The following HSD17B7 variants were observed in gnomAD, a reference collection of about 807,000 sequenced individuals.
HSD17B7 encodes 3-keto-steroid reductase/17-beta-hydroxysteroid dehydrogenase 7.
Under a neutral mutation model 34.1 loss-of-function variants are expected in HSD17B7, and 17 were observed. The observed-to-expected ratio is 0.50, with a 90% CI of 0.34 to 0.75. HSD17B7 has a LOEUF of 0.75. HSD17B7 is among the 30% of genes least tolerant of loss of function. The pLI is 0.01. For missense variants in HSD17B7, 296 were observed against 406.6 expected, an observed-to-expected ratio of 0.73 and a Z score of 2.34; for synonymous variants, 122 against 154.6, an observed-to-expected ratio of 0.79 and a Z score of 1.56.
At chr1:162,792,616 C>G (rs1463244932) in intron 1 of HSD17B7, 43 bp from the exon 2 acceptor site, 1 of 1,585,504 alleles carries the variant, frequency 6.3e-7, no homozygotes, top group Non-Finnish European at 8.6e-7. Context: ...TACCTGATGC[C>G]ATCCCAGATA....
At position 162,812,731 on chromosome 1, in the gene HSD17B7, G is replaced by A. The variant is rs755356084; in HGVS notation, c.*311G>A. On this transcript the variant is annotated 3_prime_UTR_variant, in exon 9 of 9. Transcript: ENST00000254521. ...AACCAGAGCTGACAATGACACTCTG[G>A]AACATTGCATACCTTCTGTACATTC... is the stretch of plus-strand genomic sequence containing the variant. The A allele has an allele frequency of 4.6e-5, 8 of 174,202 alleles. No individual in the cohort carries two copies. The highest frequency in any genetic ancestry group is 9.8e-5 in the Non-Finnish European group (8 of 81,452). 10.8% of individuals were successfully genotyped at this position (174,202 alleles called of 1,614,324 possible).
At position 162,790,836 on chromosome 1, in the gene HSD17B7, G is replaced by A. The variant is rs776647605; in HGVS notation, c.35+1G>A. On this transcript the variant is annotated splice_donor_variant, in intron 1 of 8. Transcript: ENST00000254521. LOFTEE classifies it high-confidence loss of function. Reference sequence around the variant, plus strand: ...TGGTTTTGATCACCGGGGCTAGCAGGTGAGGCCTCCTTTGGGTTGGCAGAG... The same window carrying A: ...TGGTTTTGATCACCGGGGCTAGCAGATGAGGCCTCCTTTGGGTTGGCAGAG... The A allele has an allele frequency of 4.3e-6, 7 of 1,613,808 alleles. No homozygotes were observed. Among genetic ancestry groups the A allele is most frequent in the Non-Finnish European group, 5.9e-6 (7 of 1,179,922 alleles).
chr1:162,796,740 G>C, intron 3 of HSD17B7, 63 bp downstream of exon 3: 1 of 1,020,856 alleles, frequency 9.8e-7, no homozygotes, highest in Non-Finnish European at 1.6e-6. Context: ...GCCTAGTTTT[G>C]ATGGCATGTT....
Position 162,807,892 on chromosome 1 carries a change from T to C in HSD17B7, c.903+2400T>C, listed in dbSNP as rs1649037669. Among the ~76,000 whole-genome samples, 8 of 152,322 alleles carry C rather than the reference T, an allele frequency of 5.3e-5. No homozygotes were observed. The South Asian group carries it at 1.7e-3, about 32-fold the overall frequency. ...TTAGCCCTTTGTCAGATGGGTAGATTGCAAAAATTTTCTCCCATTCTGTAG... is the reference window on the plus strand; with the variant it reads ...TTAGCCCTTTGTCAGATGGGTAGATCGCAAAAATTTTCTCCCATTCTGTAG... On this transcript the variant is annotated intron_variant, in intron 8 of 8. Coordinates refer to ENST00000254521, the MANE Select transcript of HSD17B7 (RefSeq NM_016371.4).
At chr1:162,800,671 A>C (rs1478728878) in intron 5 of HSD17B7, among the ~76,000 whole-genome samples, 1 of 152,130 alleles carries the variant, frequency 6.6e-6, no homozygotes, top group African/African-American at 2.4e-5. Flanking sequence ...GGAAATCTCC[A>C]GTCTTCGCCT....
At chr1:162,809,652 T>A (rs1412988704) in intron 8 of HSD17B7, among the ~76,000 whole-genome samples, 3 of 152,166 alleles carry the variant, frequency 2.0e-5, no homozygotes, top group African/African-American at 7.2e-5. Context: ...GATCCTGTTA[T>A]TGGTCTATTC....
chr1:162,799,175 T>G lies in HSD17B7; in HGVS notation c.448-568T>G, dbSNP rs368113652. Among the ~76,000 whole-genome samples the G allele has an allele frequency of 3.9e-5, 6 of 152,264 alleles. No homozygotes were observed. In the South Asian group the frequency reaches 6.2e-4, roughly 16 times the overall value. ...AATTCAGTCGTTTATTATATCCATATGGACTCATGTTTATGTATTTTCTGC... is the reference window on the plus strand; with the variant it reads ...AATTCAGTCGTTTATTATATCCATAGGGACTCATGTTTATGTATTTTCTGC... On this transcript the variant is annotated intron_variant, in intron 4 of 8. Transcript: ENST00000254521.
At chr1:162,805,274 A>G (rs1159754415) in intron 7 of HSD17B7, 120 bp from the exon 8 acceptor site, 15 of 1,394,520 alleles carry the variant, frequency 1.1e-5, no homozygotes, top group Non-Finnish European at 1.3e-5. Context: ...CACTGATGAT[A>G]TTTGAGAGGA....
chr1:162,811,475 G>T (rs1374126224), intron 8 of HSD17B7, among the ~76,000 whole-genome samples: 10 of 150,036 alleles, frequency 6.7e-5, no homozygotes, highest in African/African-American at 2.5e-4. Context: ...GCTCTGTGTT[G>T]GCTTGATGAA....
chr1:162,803,147 C>T (rs1223477480), intron 5 of HSD17B7: 1 of 200,646 alleles, frequency 5.0e-6, no homozygotes, highest in Non-Finnish European at 1.0e-5. Context: ...CTGCTTTTCT[C>T]CCCCAGCGTT....
chr1:162,808,830 C>T (rs1327478898), intron 8 of HSD17B7, among the ~76,000 whole-genome samples: 3 of 152,184 alleles, frequency 2.0e-5, no homozygotes, highest in African/African-American at 4.8e-5. Flanking sequence ...TATCCTGAGA[C>T]TTTGCTGAAG....
At chr1:162,802,577 C>T (rs1648847690) in intron 5 of HSD17B7, among the ~76,000 whole-genome samples, 1 of 151,864 alleles carries the variant, frequency 6.6e-6, no homozygotes, top group South Asian at 2.1e-4. Context: ...TGCTGTCTGT[C>T]CATTGAACTG....
intron 8 of HSD17B7, among the ~76,000 whole-genome samples, chr1:162,810,871 T>C (rs1649150065): frequency 1.3e-5 from 2 of 152,174 alleles, no homozygotes; most frequent in African/African-American, 4.8e-5. Context: ...CTCCTGAATA[T>C]AGCACACTGA....
chr1:162,812,434 G>A lies in HSD17B7; in HGVS notation c.*14G>A, dbSNP rs2102239381. 1 of 1,570,278 alleles carries A rather than the reference G, an allele frequency of 6.4e-7. No individual in the cohort carries two copies. ...TCATGCCTATAATTCCAGCACTTTGGGAGGCCAAGGCAGAAGGATCACTTG... is the reference window on the plus strand; with the variant it reads ...TCATGCCTATAATTCCAGCACTTTGAGAGGCCAAGGCAGAAGGATCACTTG... On this transcript the variant is annotated 3_prime_UTR_variant, in exon 9 of 9. Coordinates refer to ENST00000254521, the MANE Select transcript of HSD17B7 (RefSeq NM_016371.4).
rs565422238 is a variant in HSD17B7 at position 162,801,099 on chromosome 1, C to G, written c.642+1162C>G. On this transcript the variant is annotated intron_variant, in intron 5 of 8. Transcript: ENST00000254521. ...AATTCAAGTGATTCTTGTACCTCAG[C>G]TTCTCAAGTAGCTGGGATTACAGGG... Among the ~76,000 whole-genome samples, 8 of 152,268 alleles carry G rather than the reference C, an allele frequency of 5.3e-5. No homozygotes were observed. In the East Asian group the frequency reaches 1.5e-3, roughly 29 times the overall value.
In HSD17B7 at chr1:162,812,733, A is replaced by T. The variant is rs1337129028; in HGVS notation, c.*313A>T. On this transcript the variant is annotated 3_prime_UTR_variant, in exon 9 of 9. Coordinates refer to ENST00000254521, the MANE Select transcript of HSD17B7 (RefSeq NM_016371.4). ...CCAGAGCTGACAATGACACTCTGGA[A>T]CATTGCATACCTTCTGTACATTCTG... 38 of 173,832 alleles carry T rather than the reference A, an allele frequency of 2.2e-4. No individual in the cohort carries two copies. The highest frequency in any genetic ancestry group is 2.5e-5 in the Non-Finnish European group (2 of 81,064). The allele number at this position is 173,832 out of a possible 1,614,324, so 10.8% of individuals were successfully genotyped here.
intron 2 of HSD17B7, chr1:162,795,485 A>G: frequency 3.0e-6 from 1 of 335,840 alleles, no homozygotes; most frequent in Non-Finnish European, 6.0e-6. Context: ...AAAGTTGGCA[A>G]ATAAGGTAAT....
At chr1:162,794,708 A>AT (rs1438989808) in intron 2 of HSD17B7, among the ~76,000 whole-genome samples, 1 of 151,838 alleles carries the variant, frequency 6.6e-6, no homozygotes, top group Non-Finnish European at 1.5e-5. Flanking sequence ...CTTTGTTTAG[A>AT]TTTTGTTATA....
At chr1:162,805,897 G>A (rs1251661938) in intron 8 of HSD17B7, among the ~76,000 whole-genome samples, 1 of 152,146 alleles carries the variant, frequency 6.6e-6, no homozygotes, top group African/African-American at 2.4e-5. Context: ...TTCCTAGCAG[G>A]CTGCCTTACA....
Sources: allele counts gnomAD v4.1 joint callset (sites outside exome capture counted in the v4.1 genomes callset), GRCh38; gene constraint gnomAD v4.1.1; transcripts MANE v1.5; gene names NCBI Gene and HGNC (gene_info 2026-07-23, HGNC 2026-07-21).